The following RNF24 variants were observed in gnomAD, a reference collection of about 807,000 sequenced individuals.
RNF24 encodes ring finger protein 24.
Under a neutral mutation model 20.0 loss-of-function variants are expected in RNF24, and 14 were observed. The ratio of observed to expected loss-of-function variants is 0.70; its 90% CI spans 0.46 to 1.10. RNF24 has a LOEUF of 1.10. Ranked by LOEUF, RNF24 falls within the 50% of genes least tolerant of loss-of-function variation. The probability of loss-of-function intolerance (pLI) is 0.00; values close to 1 mark genes in which losing one functional copy is unlikely to be tolerated. For synonymous variants in RNF24, 45 were observed against 61.1 expected (o/e 0.74, Z 1.23); for missense variants, 124 against 177.6 (o/e 0.70, Z 1.71).
At chr20:3,951,874 G>C (rs2091085632) in intron 2 of RNF24, among the ~76,000 whole-genome samples, 1 of 152,026 alleles carries the variant, frequency 6.6e-6, no homozygotes, top group African/African-American at 2.4e-5. Flanking sequence ...CGTATTTACT[G>C]GCACCAAAAG....
chr20:3,978,419 A>G (rs1600683465), intron 1 of RNF24, among the ~76,000 whole-genome samples: 1 of 152,336 alleles, frequency 6.6e-6, no homozygotes, highest in East Asian at 1.9e-4. Flanking sequence ...TATTCCCAAC[A>G]GAGAAAAATA....
intron 1 of RNF24, among the ~76,000 whole-genome samples, chr20:3,996,947 G>A (rs1980915751): frequency 6.6e-6 from 1 of 152,098 alleles, no homozygotes; most frequent in African/African-American, 2.4e-5. Flanking sequence ...TAGGCTGGGC[G>A]TGGTGGCTCA....
At position 3,928,220 on chromosome 20, in the gene RNF24, C is replaced by T. The variant is rs1384410317; in HGVS notation, c.*5843G>A. 6.6e-6 allele frequency: 1 copy of T among 152,108 alleles called. No homozygotes were observed. The highest frequency in any genetic ancestry group is 1.5e-5 in the Non-Finnish European group (1 of 68,048). 9.4% of individuals were successfully genotyped at this position (152,108 alleles called of 1,614,324 possible). ...CCAGGGCCAGAGATTCTACAAATGC[C>T]AGAAGAGTGGATGTGATAGAGAATT... On this transcript the variant is annotated 3_prime_UTR_variant, in exon 6 of 6. Coordinates refer to ENST00000358395, the MANE Select transcript of RNF24 (RefSeq NM_001134337.3).
rs767723856 is a variant in RNF24 at position 3,955,617 on chromosome 20, C to G, written c.144-7338G>C. 3.9e-4 allele frequency among the ~76,000 whole-genome samples: 60 copies of G among 152,052 alleles called. 1 individual carries two copies. Among genetic ancestry groups the G allele is most frequent in the Non-Finnish European group, 7.8e-4 (53 of 67,992 alleles). ...AAACTGCTTTGGCTATTTGGGGCCC[C>G]AGTTCCAAATGAATTTGAGGATTGC... On this transcript the variant is annotated intron_variant, in intron 2 of 5. Coordinates refer to ENST00000358395, the MANE Select transcript of RNF24 (RefSeq NM_001134337.3).
chr20:4,000,580 G>A (rs1981309044), intron 1 of RNF24, among the ~76,000 whole-genome samples: 1 of 152,092 alleles, frequency 6.6e-6, no homozygotes, highest in South Asian at 2.1e-4. Context: ...TAAGAACTAT[G>A]TAGTACAGTT....
At chr20:3,957,457 C>CA (rs71195873) in intron 2 of RNF24, among the ~76,000 whole-genome samples, 13,425 of 94,278 alleles carry the variant, frequency 0.14, 883 homozygotes, top group South Asian at 0.29. Context: ...GACCCTGTCT[C>CA]AAAAAAAAAA....
chr20:3,939,505 T>C (rs1480951414), intron 4 of RNF24, among the ~76,000 whole-genome samples: 1 of 152,260 alleles, frequency 6.6e-6, no homozygotes, highest in Non-Finnish European at 1.5e-5. Flanking sequence ...CAACTGACCA[T>C]AAATGTTTGA....
chr20:3,956,353 C>A lies in RNF24; in HGVS notation c.143+7522G>T, dbSNP rs188816055. Among the ~76,000 whole-genome samples, 144 of 151,112 alleles carry A rather than the reference C, an allele frequency of 9.5e-4. 1 individual carries two copies. Among genetic ancestry groups the A allele is most frequent in the Non-Finnish European group, 1.8e-3 (121 of 67,818 alleles). ...AATCTATGTAATTCACCCAAAATTT[C>A]AAGTTTATTGCCATAAATGCATAAT... On this transcript the variant is annotated intron_variant, in intron 2 of 5. Coordinates refer to ENST00000358395, the MANE Select transcript of RNF24 (RefSeq NM_001134337.3).
At chr20:4,011,483 T>TA (rs3216536) in intron 1 of RNF24, among the ~76,000 whole-genome samples, 56,247 of 152,052 alleles carry the variant, frequency 0.37, 11,816 homozygotes, top group Non-Finnish European at 0.47. Context: ...GGCTATGCAG[T>TA]AGTCCAGGGA....
intron 1 of RNF24, among the ~76,000 whole-genome samples, chr20:3,976,705 C>G (rs990245674): frequency 6.6e-6 from 1 of 152,080 alleles, no homozygotes; most frequent in African/African-American, 2.4e-5. Context: ...TAAAAAGAAA[C>G]AAACTATTGA....
chr20:3,928,834 TG>T lies in RNF24; in HGVS notation c.*5228del, dbSNP rs1291535710. On this transcript the variant is annotated 3_prime_UTR_variant, in exon 6 of 6. Coordinates refer to ENST00000358395, the MANE Select transcript of RNF24 (RefSeq NM_001134337.3). ...AAAACAAGGCATAAAGGGAAAATTC[TG>T]TAGGAAGCATTTTCTTTTCTTGTGT... 2 of 150,458 alleles carry T rather than the reference TG, an allele frequency of 1.3e-5. No individual in the cohort carries two copies. The highest frequency in any genetic ancestry group is 3.9e-4 in the East Asian group (2 of 5,078). The allele number at this position is 150,458 out of a possible 1,614,324, so 9.3% of individuals were successfully genotyped here.
intron 1 of RNF24, among the ~76,000 whole-genome samples, chr20:3,994,986 A>G (rs1464225602): frequency 6.6e-6 from 1 of 152,360 alleles, no homozygotes; most frequent in East Asian, 1.9e-4. Flanking sequence ...CTTAAAAGTG[A>G]GAGAAAACAA....
chr20:3,953,726 T>C (rs1276885885), intron 2 of RNF24, among the ~76,000 whole-genome samples: 1 of 149,152 alleles, frequency 6.7e-6, no homozygotes, highest in African/African-American at 2.5e-5. Context: ...GTATTAGATA[T>C]ATAATTATTC....
intron 1 of RNF24, among the ~76,000 whole-genome samples, chr20:4,004,992 C>T (rs537414544): frequency 7.9e-5 from 12 of 152,314 alleles, no homozygotes; most frequent in African/African-American, 2.6e-4. Context: ...AAGATCTCTG[C>T]ACTTCCATTA....
intron 2 of RNF24, among the ~76,000 whole-genome samples, chr20:3,962,416 G>A (rs929728149): frequency 6.6e-6 from 1 of 152,092 alleles, no homozygotes; most frequent in African/African-American, 2.4e-5. Context: ...ATGTGTTTAC[G>A]ATGCAACAAA....
intron 1 of RNF24, among the ~76,000 whole-genome samples, chr20:4,001,094 C>T (rs1259657656): frequency 2.0e-5 from 3 of 152,038 alleles, no homozygotes; most frequent in African/African-American, 7.3e-5. Flanking sequence ...CAGTGAAACC[C>T]TGTCTCTACT....
rs555747005 is a variant in RNF24, at chr20:3,932,447, A to G, written c.*1616T>C. ...CCTATTTTGACCAACTGGATTTGTA[A>G]TTTTCCAAACCGGATTCTGTCCAGC... On this transcript the variant is annotated 3_prime_UTR_variant, in exon 6 of 6. Coordinates refer to ENST00000358395, the MANE Select transcript of RNF24 (RefSeq NM_001134337.3). 7 of 153,862 alleles carry G rather than the reference A, an allele frequency of 4.5e-5. No individual in the cohort carries two copies. Among genetic ancestry groups the G allele is most frequent in the African/African-American group, 1.4e-4 (6 of 41,608 alleles). The allele number at this position is 153,862 out of a possible 1,614,324, so 9.5% of individuals were successfully genotyped here. A position where few individuals can be genotyped will look rare whatever the true frequency, so the allele number is the denominator to read the frequency against.
At chr20:3,939,588 A>G (rs914192231) in intron 4 of RNF24, among the ~76,000 whole-genome samples, 2 of 152,224 alleles carry the variant, frequency 1.3e-5, no homozygotes, top group African/African-American at 4.8e-5. Flanking sequence ...ACATGTATTA[A>G]AAACTGTAGC....
chr20:3,994,164 T>C (rs1238639961), intron 1 of RNF24, among the ~76,000 whole-genome samples: 2 of 152,248 alleles, frequency 1.3e-5, no homozygotes, highest in Admixed American at 6.5e-5. Flanking sequence ...CGAAACAGTA[T>C]TGAATATTAC....
Sources: allele counts gnomAD v4.1 joint callset (sites outside exome capture counted in the v4.1 genomes callset), GRCh38; gene constraint gnomAD v4.1.1; transcripts MANE v1.5; gene names NCBI Gene and HGNC (gene_info 2026-07-23, HGNC 2026-07-21).